The following SLC22A2 variants were observed in gnomAD, a reference collection of about 807,000 sequenced individuals.
SLC22A2 encodes solute carrier family 22 member 2.
A neutral mutation model predicts 60.5 loss-of-function variants in SLC22A2; 46 were observed. That is an observed-to-expected ratio of 0.76 (90% CI 0.60 to 0.97). The LOEUF (loss-of-function observed/expected upper bound fraction) is 0.97, where lower values mean the gene tolerates loss of function less well. Ranked by LOEUF, SLC22A2 falls within the 50% of genes least tolerant of loss-of-function variation. The probability of loss-of-function intolerance (pLI) is 0.00; values close to 1 mark genes in which losing one functional copy is unlikely to be tolerated. For missense variants in SLC22A2, 701 were observed against 706.6 expected (o/e 0.99, Z 0.09); for synonymous variants, 303 against 267.0 (o/e 1.13, Z -1.31).
chr6:160,237,209 G>C (rs963772115), intron 9 of SLC22A2, among the ~76,000 whole-genome samples: 2 of 152,118 alleles, frequency 1.3e-5, no homozygotes, highest in Non-Finnish European at 2.9e-5. Context: ...TAAAAATCTG[G>C]ATCAATATTC....
At chr6:160,243,866 G>C in intron 6 of SLC22A2, 80 bp from the exon 7 acceptor site, 1 of 944,544 alleles carries the variant, frequency 1.1e-6, no homozygotes, top group Non-Finnish European at 1.7e-6. Context: ...GAAAAATAAT[G>C]TGGATTGTAG....
chr6:160,224,144 C>A (rs185245046), intron 10 of SLC22A2, among the ~76,000 whole-genome samples: 1 of 152,142 alleles, frequency 6.6e-6, no homozygotes, highest in South Asian at 2.1e-4. Flanking sequence ...AGTGTGTTAC[C>A]AAGTAATTTT....
At chr6:160,257,190 CCTTT>C (rs768489155) in intron 1 of SLC22A2, among the ~76,000 whole-genome samples, 3 of 152,154 alleles carry the variant, frequency 2.0e-5, no homozygotes, top group African/African-American at 4.8e-5. Flanking sequence ...TTTATTTTTT[CCTTT>C]CTAATTTCAA....
At chr6:160,239,197 C>T (rs1782959703) in intron 9 of SLC22A2, among the ~76,000 whole-genome samples, 1 of 152,130 alleles carries the variant, frequency 6.6e-6, no homozygotes, top group African/African-American at 2.4e-5. Flanking sequence ...TTTACAGATG[C>T]CAGATGCCAT....
At chr6:160,248,168 G>A (rs990570368) in intron 4 of SLC22A2, among the ~76,000 whole-genome samples, 1 of 152,188 alleles carries the variant, frequency 6.6e-6, no homozygotes, top group African/African-American at 2.4e-5. Flanking sequence ...GCCTGTGGCA[G>A]GTAATTAAGT....
chr6:160,239,521 A>G (rs1782965184), intron 9 of SLC22A2, among the ~76,000 whole-genome samples: 1 of 152,158 alleles, frequency 6.6e-6, no homozygotes, highest in Non-Finnish European at 1.5e-5. Context: ...TCCAGTAACG[A>G]AGTAACCATC....
intron 10 of SLC22A2, among the ~76,000 whole-genome samples, chr6:160,222,761 G>T (rs1424624960): frequency 6.6e-6 from 1 of 152,228 alleles, no homozygotes. Context: ...GCCTCCTGCA[G>T]AGGGCATGCC....
Position 160,224,708 on chromosome 6 carries a change from T to C in SLC22A2, c.1598A>G (p.Gln533Arg). 6.2e-7 allele frequency: 1 copy of C among 1,601,244 alleles called. No individual in the cohort carries two copies. Among genetic ancestry groups the C allele is most frequent in the African/African-American group, 1.3e-5 (1 of 74,804 alleles). Residue 533 changes from glutamine (Q) to arginine (R), a missense_variant, in exon 10 of 11, where the codon CAA (glutamine) becomes CGA (arginine). Physicochemically the swap from Gln to Arg is conservative, Grantham distance 43. Coordinates refer to ENST00000366953, the MANE Select transcript of SLC22A2 (RefSeq NM_003058.4). ...PETIEEAENM[Q>R]RPRKNKEKMI... ...TTTAGAACTTTCAACTGCCTACCTT[T>C]GCATATTTTCGGCTTCCTCGATGGT...
intron 10 of SLC22A2, chr6:160,218,327 G>C: frequency 2.0e-5 from 4 of 204,556 alleles, no homozygotes; most frequent in Non-Finnish European, 3.7e-5. Context: ...AACAACAACA[G>C]TAGAAATAGC....
chr6:160,235,308 AGT>A (rs1782892807), intron 9 of SLC22A2, among the ~76,000 whole-genome samples: 2 of 151,580 alleles, frequency 1.3e-5, no homozygotes, highest in Non-Finnish European at 2.9e-5. Context: ...AGCTAATGGC[AGT>A]TATGGGGAGA....
chr6:160,255,184 C>T (rs3798156), intron 2 of SLC22A2, among the ~76,000 whole-genome samples: 16,919 of 152,216 alleles, frequency 0.11, 1,014 homozygotes, highest in Non-Finnish European at 0.13. Context: ...GCAAGCCTCC[C>T]GCAGAAAGCC....
At chr6:160,219,710 G>A (rs927974345) in intron 10 of SLC22A2, among the ~76,000 whole-genome samples, 1 of 151,748 alleles carries the variant, frequency 6.6e-6, no homozygotes, top group Non-Finnish European at 1.5e-5. Context: ...GAGATATTGG[G>A]GATTCACTTC....
chr6:160,257,306 G>A (rs1783290302), intron 1 of SLC22A2, among the ~76,000 whole-genome samples: 1 of 152,200 alleles, frequency 6.6e-6, no homozygotes, highest in Non-Finnish European at 1.5e-5. Context: ...GGGATTAGGA[G>A]TGACTGCTGA....
At chr6:160,239,437 C>G (rs745611091) in intron 9 of SLC22A2, among the ~76,000 whole-genome samples, 3 of 152,218 alleles carry the variant, frequency 2.0e-5, no homozygotes, top group Non-Finnish European at 2.9e-5. Flanking sequence ...TCCTTTTACT[C>G]TATGGATTGA....
intron 2 of SLC22A2, among the ~76,000 whole-genome samples, chr6:160,256,063 T>C (rs963983547): frequency 1.3e-5 from 2 of 152,126 alleles, no homozygotes; most frequent in Admixed American, 1.3e-4. Flanking sequence ...ACCCCTCGTG[T>C]TGTAGGCAGA....
Position 160,232,573 on chromosome 6 carries a change from T to TAA in SLC22A2, c.1502-7771_1502-7770dup, listed in dbSNP as rs35356995. On this transcript the variant is annotated intron_variant, in intron 9 of 10. Transcript: ENST00000366953. ...GGGTCCTCCATCATTAATGCCTCTT[T>TAA]AAAAAAAAAACATTTCTCAAAGCTG... 7.2e-3 allele frequency among the ~76,000 whole-genome samples: 1,073 copies of TAA among 149,522 alleles called. 14 individuals are homozygous for TAA. Among genetic ancestry groups the TAA allele is most frequent in the African/African-American group, 0.011 (438 of 40,230 alleles).
At chr6:160,254,143 T>C (rs1272268956) in intron 2 of SLC22A2, among the ~76,000 whole-genome samples, 1 of 152,038 alleles carries the variant, frequency 6.6e-6, no homozygotes, top group Non-Finnish European at 1.5e-5. Context: ...CTGGGCATGG[T>C]GGTAGGCGCC....
intron 2 of SLC22A2, among the ~76,000 whole-genome samples, chr6:160,255,768 G>C (rs974537953): frequency 6.6e-6 from 1 of 152,062 alleles, no homozygotes; most frequent in Non-Finnish European, 1.5e-5. Flanking sequence ...TAGCCCTGAC[G>C]GCCAAGTTAT....
chr6:160,226,391 C>T (rs1171103234), intron 9 of SLC22A2, among the ~76,000 whole-genome samples: 1 of 152,194 alleles, frequency 6.6e-6, no homozygotes, highest in Non-Finnish European at 1.5e-5. Context: ...TTCTCTATTG[C>T]AATTCCCCTG....
Sources: gnomAD v4.1 joint callset for allele counts (sites outside exome capture counted in the v4.1 genomes callset) on GRCh38, gnomAD v4.1.1 for gene constraint, MANE v1.5 for transcripts, NCBI Gene and HGNC (gene_info 2026-07-23, HGNC 2026-07-21) for gene names.